The following CTNNA2 variants were observed in gnomAD, a reference collection of about 807,000 sequenced individuals.
The protein encoded by CTNNA2 is catenin alpha 2.
A neutral mutation model predicts 101.0 loss-of-function variants in CTNNA2; 42 were observed. The ratio of observed to expected loss-of-function variants is 0.42; its 90% CI spans 0.32 to 0.54. The LOEUF (loss-of-function observed/expected upper bound fraction) is 0.54. Ranked by LOEUF, CTNNA2 falls within the 20% of genes least tolerant of loss-of-function variation. CTNNA2 has a pLI of 0.14. For synonymous variants in CTNNA2, 450 were observed against 456.4 expected (o/e 0.99, Z 0.18); for missense variants, 871 against 1,223.1 (o/e 0.71, Z 4.29).
At chr2:79,834,883 CTAGT>C (rs1310399909) in intron 3 of CTNNA2, among the ~76,000 whole-genome samples, 2 of 151,960 alleles carry the variant, frequency 1.3e-5, no homozygotes, top group Non-Finnish European at 2.9e-5. Flanking sequence ...GAATTAAAGT[CTAGT>C]TTTATTAATT....
chr2:80,318,800 A>G (rs1013812871), intron 7 of CTNNA2, among the ~76,000 whole-genome samples: 2 of 152,172 alleles, frequency 1.3e-5, no homozygotes, highest in African/African-American at 4.8e-5. Flanking sequence ...GTGTTAGGTT[A>G]GGATTCTTTC....
At chr2:79,703,741 CA>C (rs1415719495) in intron 2 of CTNNA2, among the ~76,000 whole-genome samples, 1 of 152,006 alleles carries the variant, frequency 6.6e-6, no homozygotes, top group Non-Finnish European at 1.5e-5. Context: ...TAAATATTAG[CA>C]AAAAATTTTA....
chr2:80,216,752 T>C (rs1979024), intron 7 of CTNNA2, among the ~76,000 whole-genome samples: 24,148 of 152,030 alleles, frequency 0.16, 2,423 homozygotes, highest in East Asian at 0.38. Context: ...TAGCTCTAAC[T>C]AAGACTAGTA....
intron 12 of CTNNA2, among the ~76,000 whole-genome samples, chr2:80,569,250 T>C (rs1455930700): frequency 1.3e-5 from 2 of 152,178 alleles, no homozygotes; most frequent in Non-Finnish European, 2.9e-5. Context: ...CCTTGATTTT[T>C]ATATGCATAC....
chr2:80,251,332 T>C (rs1671749623), intron 7 of CTNNA2, among the ~76,000 whole-genome samples: 1 of 152,200 alleles, frequency 6.6e-6, no homozygotes, highest in Non-Finnish European at 1.5e-5. Flanking sequence ...TGGTACCATA[T>C]AGTGAGTTTG....
At chr2:80,579,286 T>G (rs1695329258) in intron 13 of CTNNA2, 2 of 152,224 alleles carry the variant, frequency 1.3e-5, no homozygotes. Context: ...TGTCATTGAC[T>G]CATCTACTGA....
chr2:80,314,420 G>A (rs143188293), intron 7 of CTNNA2, among the ~76,000 whole-genome samples: 8 of 152,228 alleles, frequency 5.3e-5, no homozygotes, highest in African/African-American at 1.9e-4. Context: ...GGATGGGGCG[G>A]AAGAAGTAGA....
chr2:80,164,737 A>T, intron 7 of CTNNA2, among the ~76,000 whole-genome samples: 1 of 135,326 alleles, frequency 7.4e-6, no homozygotes, highest in African/African-American at 2.8e-5. Context: ...CTTTTGGGGG[A>T]GGTCTATTGA....
chr2:80,640,763 A>G (rs919769270), intron 18 of CTNNA2, among the ~76,000 whole-genome samples: 4 of 152,178 alleles, frequency 2.6e-5, no homozygotes. Context: ...GCTGACTTGT[A>G]GCAAAATTTT....
intron 7 of CTNNA2, among the ~76,000 whole-genome samples, chr2:80,322,178 T>C (rs1215001627): frequency 1.3e-5 from 2 of 152,198 alleles, no homozygotes; most frequent in African/African-American, 4.8e-5. Context: ...CATGCTTAAC[T>C]TTCTTCTTTC....
At position 80,018,674 on chromosome 2, in the gene CTNNA2, G is replaced by A. The variant is rs111982249; in HGVS notation, c.1056+108877G>A. ...CACGTGCCTGTAGTCCCAGCTACTC[G>A]GGAGGCTGAGGCAGGAGAATCGTTT... On this transcript the variant is annotated intron_variant, in intron 7 of 18. Coordinates refer to ENST00000402739, the MANE Select transcript of CTNNA2 (RefSeq NM_001282597.3). Among the ~76,000 whole-genome samples, 25 of 151,974 alleles carry A rather than the reference G, an allele frequency of 1.6e-4. No individual in the cohort carries two copies. In the South Asian group the frequency reaches 2.5e-3, roughly 15 times the overall value.
At chr2:79,287,171 A>G (rs1338840311) in intron 2 of CTNNA2, among the ~76,000 whole-genome samples, 3 of 151,970 alleles carry the variant, frequency 2.0e-5, no homozygotes, top group Non-Finnish European at 4.4e-5. Flanking sequence ...ATTTTTTTCA[A>G]AGTTTTCAAC....
chr2:80,306,044 A>G (rs1222047810), intron 7 of CTNNA2, among the ~76,000 whole-genome samples: 9 of 152,210 alleles, frequency 5.9e-5, no homozygotes, highest in Admixed American at 5.2e-4. Context: ...GGTCCTTAGC[A>G]TCTAAGCTGA....
At chr2:79,503,375 G>A (rs1671345284) in intron 4 of CTNNA2, among the ~76,000 whole-genome samples, 1 of 152,102 alleles carries the variant, frequency 6.6e-6, no homozygotes, top group Admixed American at 6.5e-5. Context: ...GGTGCCAGAA[G>A]CCACCATCAG....
At chr2:80,416,274 C>G (rs1279495029) in intron 8 of CTNNA2, among the ~76,000 whole-genome samples, 2 of 152,020 alleles carry the variant, frequency 1.3e-5, no homozygotes, top group Non-Finnish European at 2.9e-5. Flanking sequence ...TTGTGGTAAT[C>G]ATTTCACAAT....
intron 11 of CTNNA2, among the ~76,000 whole-genome samples, chr2:80,548,188 A>G (rs1692260544): frequency 6.6e-6 from 1 of 152,124 alleles, no homozygotes; most frequent in Non-Finnish European, 1.5e-5. Flanking sequence ...GTTTTTTTCC[A>G]GGATAACTAT....
chr2:79,626,450 C>T (rs188483822), intron 1 of CTNNA2, among the ~76,000 whole-genome samples: 48 of 152,230 alleles, frequency 3.2e-4, no homozygotes, highest in African/African-American at 8.9e-4. Context: ...TTCACCGTTC[C>T]GTTCACCAAA....
At chr2:79,394,314 C>T (rs755716155) in intron 4 of CTNNA2, among the ~76,000 whole-genome samples, 1 of 152,188 alleles carries the variant, frequency 6.6e-6, no homozygotes, top group Non-Finnish European at 1.5e-5. Flanking sequence ...AGCACAGCTG[C>T]TTAGACTGTA....
chr2:80,159,149 T>C (rs886625513), intron 7 of CTNNA2, among the ~76,000 whole-genome samples: 1 of 152,212 alleles, frequency 6.6e-6, no homozygotes, highest in African/African-American at 2.4e-5. Flanking sequence ...CTGGGATAAA[T>C]GCCCAGAAGC....
Sources: gnomAD v4.1 joint callset for allele counts (sites outside exome capture counted in the v4.1 genomes callset) on GRCh38, gnomAD v4.1.1 for gene constraint, MANE v1.5 for transcripts, NCBI Gene and HGNC (gene_info 2026-07-23, HGNC 2026-07-21) for gene names.